The following SIL1 variants were observed in gnomAD, a reference collection of about 807,000 sequenced individuals.
SIL1 encodes nucleotide exchange factor SIL1.
A neutral mutation model predicts 49.1 loss-of-function variants in SIL1; 40 were observed. The observed-to-expected ratio is 0.81, with a 90% CI of 0.63 to 1.06. The LOEUF is 1.06. Ranked by LOEUF, SIL1 falls within the 50% of genes least tolerant of loss-of-function variation. SIL1 has a pLI of 0.00. For synonymous variants in SIL1, 253 were observed against 250.8 expected (o/e 1.01, Z -0.08); for missense variants, 500 against 572.6 (o/e 0.87, Z 1.29).
intron 3 of SIL1, among the ~76,000 whole-genome samples, chr5:139,109,629 T>C (rs142448494): frequency 1.4e-5 from 2 of 143,340 alleles, no homozygotes; most frequent in Non-Finnish European, 3.0e-5. Context: ...AGAGAAAACA[T>C]AACTACTCCC....
At chr5:139,077,358 C>T (rs909931825) in intron 3 of SIL1, among the ~76,000 whole-genome samples, 5 of 152,066 alleles carry the variant, frequency 3.3e-5, no homozygotes, top group Non-Finnish European at 1.5e-5. Flanking sequence ...AAGAATAAAA[C>T]CGTGATATAT....
At chr5:139,011,366 A>G (rs1041091088) in intron 7 of SIL1, among the ~76,000 whole-genome samples, 2 of 151,966 alleles carry the variant, frequency 1.3e-5, no homozygotes, top group African/African-American at 4.8e-5. Context: ...ACTGTCTGGC[A>G]CTCCCTAGTG....
In SIL1 at chr5:138,947,508, G is replaced by C; in HGVS notation, c.1030-35C>G. 1.3e-6 allele frequency: 2 copies of C among 1,590,822 alleles called. No individual in the cohort carries two copies. Among genetic ancestry groups the C allele is most frequent in the South Asian group, 1.1e-5 (1 of 90,608 alleles). On this transcript the variant is annotated intron_variant, in intron 9 of 9. Coordinates refer to ENST00000394817, the MANE Select transcript of SIL1 (RefSeq NM_022464.5). This position sits in a 1 kb window ranked among gnomAD's most constrained non-coding sequence, Gnocchi z 4.1. Reference sequence around the variant, plus strand: ...GCCACAGCCGCAGGCCAGGTAGGGTGGGGGTGGGGAGAGAACACACAGGGA... The same window carrying C: ...GCCACAGCCGCAGGCCAGGTAGGGTCGGGGTGGGGAGAGAACACACAGGGA...
chr5:139,180,278 C>T (rs999767238), intron 1 of SIL1, among the ~76,000 whole-genome samples: 22 of 148,246 alleles, frequency 1.5e-4, no homozygotes, highest in Admixed American at 1.4e-3. Context: ...CTACTTGGGA[C>T]GCTGAAGCAG....
chr5:139,005,484 G>T, intron 7 of SIL1, among the ~76,000 whole-genome samples: 1 of 143,394 alleles, frequency 7.0e-6, no homozygotes. Context: ...TAAGTTTTAG[G>T]GTACATGTGC....
At chr5:138,971,503 C>T (rs1436238525) in intron 7 of SIL1, among the ~76,000 whole-genome samples, 3 of 152,208 alleles carry the variant, frequency 2.0e-5, no homozygotes, top group Non-Finnish European at 2.9e-5. Context: ...CCCCAGCAGC[C>T]AACTCTTTGC....
At position 139,102,695 on chromosome 5, in the gene SIL1, G is replaced by A. The variant is rs550886692; in HGVS notation, c.244+18340C>T. On this transcript the variant is annotated intron_variant, in intron 3 of 9. Coordinates refer to ENST00000394817, the MANE Select transcript of SIL1 (RefSeq NM_022464.5). ...AGAAAACAGATGAAACTAAGATCAA[G>A]GGCTGCTTTTTTCTTTTTTTTTTTT... 2.4e-3 allele frequency among the ~76,000 whole-genome samples: 355 copies of A among 148,560 alleles called. 1 individual carries two copies. The highest frequency in any genetic ancestry group is 8.5e-3 in the African/African-American group (345 of 40,632).
chr5:139,159,491 C>T (rs1249747648), intron 1 of SIL1, among the ~76,000 whole-genome samples: 3 of 152,156 alleles, frequency 2.0e-5, no homozygotes, highest in African/African-American at 7.2e-5. Flanking sequence ...TGCAATTTGT[C>T]TGCTTTCTGA....
intron 7 of SIL1, among the ~76,000 whole-genome samples, chr5:138,959,762 C>T (rs1477071771): frequency 6.6e-6 from 1 of 152,242 alleles, no homozygotes; most frequent in African/African-American, 2.4e-5. Context: ...GGGATCCAGG[C>T]TGGACAACCC....
intron 7 of SIL1, among the ~76,000 whole-genome samples, chr5:138,970,176 T>G (rs144340509): frequency 6.6e-6 from 1 of 152,348 alleles, no homozygotes; most frequent in East Asian, 1.9e-4. Context: ...TGAAAATGTA[T>G]GCACAGATGA....
intron 7 of SIL1, among the ~76,000 whole-genome samples, chr5:138,996,732 A>G (rs144688335): frequency 0.013 from 1,909 of 151,786 alleles, 33 homozygotes; most frequent in African/African-American, 0.043. Flanking sequence ...GTTGGCCAGG[A>G]TGGTCTCGGT....
chr5:138,992,396 G>A (rs917398489), intron 7 of SIL1, among the ~76,000 whole-genome samples: 1 of 152,186 alleles, frequency 6.6e-6, no homozygotes, highest in African/African-American at 2.4e-5. Context: ...GCTCTTGGGT[G>A]AGGACCCTCC....
chr5:138,982,051 A>G lies in SIL1; in HGVS notation c.768-30167T>C, dbSNP rs191318636. Among the ~76,000 whole-genome samples the G allele has an allele frequency of 2.0e-5, 3 of 152,322 alleles. No individual in the cohort carries two copies. In the East Asian group the frequency reaches 5.8e-4, roughly 29 times the overall value. ...TCCATAACAGTACTTACTTGGCCAG[A>G]TTCAATGAGAGCATGCAGTGACTCT... On this transcript the variant is annotated intron_variant, in intron 7 of 9. Coordinates refer to ENST00000394817, the MANE Select transcript of SIL1 (RefSeq NM_022464.5).
At position 138,947,968 on chromosome 5, in the gene SIL1, T is replaced by C. The variant is rs1766673090; in HGVS notation, c.1030-495A>G. Among the ~76,000 whole-genome samples, 1 of 152,044 alleles carries C rather than the reference T, an allele frequency of 6.6e-6. No individual in the cohort carries two copies. The highest frequency in any genetic ancestry group is 2.4e-5 in the African/African-American group (1 of 41,404). Reference sequence around the variant, plus strand: ...ATCAGCAGAACATGGTGGGAGCCAATCCTGCCGGGCTACCAGCAGCGGGAA... The same window carrying C: ...ATCAGCAGAACATGGTGGGAGCCAACCCTGCCGGGCTACCAGCAGCGGGAA... On this transcript the variant is annotated intron_variant, in intron 9 of 9. Transcript: ENST00000394817. The surrounding 1 kb of genome is among the most constrained non-coding windows in gnomAD (Gnocchi z 4.1).
chr5:139,170,707 C>G (rs1376489320), intron 1 of SIL1, among the ~76,000 whole-genome samples: 1 of 151,560 alleles, frequency 6.6e-6, no homozygotes. Context: ...AGCCCCTCCG[C>G]CCGGCAGCCA....
intron 6 of SIL1, among the ~76,000 whole-genome samples, chr5:139,024,480 C>A (rs1279002582): frequency 6.6e-6 from 1 of 152,202 alleles, no homozygotes; most frequent in African/African-American, 2.4e-5. Context: ...TCCTCTTTCA[C>A]CACAGATGCT....
At chr5:139,182,845 C>G (rs1752015461) in intron 1 of SIL1, among the ~76,000 whole-genome samples, 4 of 152,188 alleles carry the variant, frequency 2.6e-5, no homozygotes, top group Admixed American at 2.6e-4. Context: ...TGGTTTAAAT[C>G]TGGGTGTATC....
chr5:138,995,623 T>C (rs935343198), intron 7 of SIL1, among the ~76,000 whole-genome samples: 2 of 152,250 alleles, frequency 1.3e-5, no homozygotes, highest in Non-Finnish European at 2.9e-5. Context: ...TTGTAAACTA[T>C]AGTCACCCTA....
At chr5:138,955,455 A>G (rs1766881965) in intron 7 of SIL1, among the ~76,000 whole-genome samples, 1 of 152,210 alleles carries the variant, frequency 6.6e-6, no homozygotes, top group Non-Finnish European at 1.5e-5. Context: ...AAGTGATTGC[A>G]TTTGCAAAAA....
Sources: allele counts gnomAD v4.1 joint callset (sites outside exome capture counted in the v4.1 genomes callset), GRCh38; gene constraint gnomAD v4.1.1; non-coding constraint Gnocchi (gnomAD v3.1); transcripts MANE v1.5; gene names NCBI Gene and HGNC (gene_info 2026-07-23, HGNC 2026-07-21).